Variants in S100PBP observed in about 807,000 individuals in gnomAD.
S100PBP encodes S100P-binding protein.
S100PBP carries 15 observed loss-of-function variants against 39.9 expected under a neutral mutation model. The ratio of observed to expected loss-of-function variants is 0.38; its 90% CI spans 0.25 to 0.58. S100PBP has a LOEUF of 0.58. S100PBP is among the 20% of genes least tolerant of loss of function. The pLI is 0.70. For synonymous variants in S100PBP, 178 were observed against 180.3 expected, an observed-to-expected ratio of 0.99 and a Z score of 0.10; for missense variants, 504 against 487.3, an observed-to-expected ratio of 1.03 and a Z score of -0.32.
At chr1:32,828,960 C>T (rs1639466625) in intron 4 of S100PBP, among the ~76,000 whole-genome samples, 1 of 152,114 alleles carries the variant, frequency 6.6e-6, no homozygotes, top group Admixed American at 6.6e-5. Flanking sequence ...CGAGATCATG[C>T]CACTGCACAC....
chr1:32,827,897 C>G (rs1032086691), intron 3 of S100PBP, 96 bp from the exon 4 acceptor site: 12 of 808,102 alleles, frequency 1.5e-5, no homozygotes, highest in Non-Finnish European at 2.1e-5. Context: ...GCTTTTGTAG[C>G]CTTTAGTTAA....
At chr1:32,851,307 A>T (rs995847287) in intron 5 of S100PBP, among the ~76,000 whole-genome samples, 2 of 152,188 alleles carry the variant, frequency 1.3e-5, no homozygotes, top group Admixed American at 1.3e-4. Context: ...AGCACAGTAG[A>T]TAAGGTAATG....
At chr1:32,831,671 T>C (rs1347142126) in intron 5 of S100PBP, among the ~76,000 whole-genome samples, 1 of 152,072 alleles carries the variant, frequency 6.6e-6, no homozygotes, top group Non-Finnish European at 1.5e-5. Context: ...AGAACTATTT[T>C]AGGTCTGATA....
At chr1:32,840,355 T>G (rs1335141350) in intron 5 of S100PBP, among the ~76,000 whole-genome samples, 1 of 151,994 alleles carries the variant, frequency 6.6e-6, no homozygotes, top group Non-Finnish European at 1.5e-5. Flanking sequence ...ATTTTCTGTT[T>G]GTTTGTTTAT....
rs1241804627 is a variant in S100PBP, at chr1:32,858,437, A to G, written c.*2399A>G. On this transcript the variant is annotated 3_prime_UTR_variant, in exon 7 of 7. Transcript: ENST00000373475. ...ACATGGTATTCTTTAAGAAGAAAAA[A>G]CAAAGCCAAAGAAAACTCATTATCT... 6.6e-6 allele frequency: 1 copy of G among 152,622 alleles called. No individual in the cohort carries two copies. Among genetic ancestry groups the G allele is most frequent in the East Asian group, 1.9e-4 (1 of 5,198 alleles). The allele number at this position is 152,622 out of a possible 1,614,324, so 9.5% of individuals were successfully genotyped here. A position where few individuals can be genotyped will look rare whatever the true frequency, so the allele number is the denominator to read the frequency against.
At chr1:32,821,124 G>T (rs1639035993) in intron 1 of S100PBP, among the ~76,000 whole-genome samples, 1 of 151,796 alleles carries the variant, frequency 6.6e-6, no homozygotes, top group South Asian at 2.1e-4. Context: ...TGTAGCCTAA[G>T]ATGAGATATT....
chr1:32,846,229 T>G (rs1215364851), intron 5 of S100PBP, among the ~76,000 whole-genome samples: 1 of 152,066 alleles, frequency 6.6e-6, no homozygotes, highest in Non-Finnish European at 1.5e-5. Context: ...GACCTCATGA[T>G]CTGCCTGCCT....
At chr1:32,830,342 A>G (rs1456702119) in intron 5 of S100PBP, among the ~76,000 whole-genome samples, 1 of 146,324 alleles carries the variant, frequency 6.8e-6, no homozygotes, top group Non-Finnish European at 1.5e-5. Context: ...AGACCGGTAC[A>G]TTTTTGCTAG....
In S100PBP at chr1:32,854,413, A is replaced by C. The variant is rs192843146; in HGVS notation, c.1112+1247A>C. ...TTGTTTAGGAAATAATGACAAGGAA[A>C]AATGTCTATACATGTTCGATACAGA... On this transcript the variant is annotated intron_variant, in intron 6 of 6. Coordinates refer to ENST00000373475, the MANE Select transcript of S100PBP (RefSeq NM_022753.4). Among the ~76,000 whole-genome samples the C allele has an allele frequency of 7.9e-4, 121 of 152,354 alleles. 1 individual carries two copies. Among genetic ancestry groups the C allele is most frequent in the African/African-American group, 2.5e-3 (102 of 41,582 alleles).
At chr1:32,845,418 G>T (rs1462036866) in intron 5 of S100PBP, among the ~76,000 whole-genome samples, 1 of 151,902 alleles carries the variant, frequency 6.6e-6, no homozygotes, top group South Asian at 2.1e-4. Flanking sequence ...CCTAGGTGAC[G>T]GAGTGAGACC....
upstream of S100PBP, chr1:32,817,057 C>G: frequency 8.5e-7 from 1 of 1,179,190 alleles, no homozygotes; most frequent in Non-Finnish European, 1.3e-6. Flanking sequence ...GTGAGATCTA[C>G]AGGCTCTCTC....
At chr1:32,834,614 A>G (rs1162597874) in intron 5 of S100PBP, among the ~76,000 whole-genome samples, 3 of 152,206 alleles carry the variant, frequency 2.0e-5, no homozygotes, top group Non-Finnish European at 4.4e-5. Context: ...TATGACACTT[A>G]ATGACAGGTT....
At position 32,853,086 on chromosome 1, in the gene S100PBP, G is replaced by C. The variant is rs374280398; in HGVS notation, c.1032G>C (p.Ser344=). Residue 344 remains serine (S), a synonymous_variant, in exon 6 of 7, where the codon TCG becomes TCC. Transcript: ENST00000373475. ...GATCCCTCTGTATCACAGGTATCTC[G>C]GGGGAGCTTTGTGCCTTGATGGATC... The part of the protein sequence containing the change: ...EDPEDTNQGI[S]GELCALMDQV... 41 of 1,612,232 alleles carry C rather than the reference G, an allele frequency of 2.5e-5. No homozygotes were observed. The highest frequency in any genetic ancestry group is 3.3e-5 in the Non-Finnish European group (39 of 1,178,900).
chr1:32,835,406 G>GT (rs933892437), intron 5 of S100PBP: 7 of 150,916 alleles, frequency 4.6e-5, no homozygotes, highest in African/African-American at 1.7e-4. Context: ...TTTAATTGTG[G>GT]TAAAAAAAAT....
intron 6 of S100PBP, among the ~76,000 whole-genome samples, chr1:32,854,838 CAT>C (rs1432684726): frequency 6.6e-6 from 1 of 152,154 alleles, no homozygotes; most frequent in African/African-American, 2.4e-5. Context: ...TTGTCAAAAT[CAT>C]AGCATTTCTC....
chr1:32,817,844 G>T, intron 1 of S100PBP, 155 bp downstream of exon 1: 1 of 159,726 alleles, frequency 6.3e-6, no homozygotes, highest in Non-Finnish European at 1.4e-5. Context: ...TCTAGCTCCT[G>T]AGGTGATGGC....
chr1:32,819,636 A>G (rs1169144123), intron 1 of S100PBP, among the ~76,000 whole-genome samples: 3 of 152,206 alleles, frequency 2.0e-5, no homozygotes, highest in Non-Finnish European at 4.4e-5. Flanking sequence ...AAGTGCTAAG[A>G]AAGGTGGTAG....
intron 4 of S100PBP, among the ~76,000 whole-genome samples, chr1:32,829,381 T>C (rs2148651082): frequency 6.6e-6 from 1 of 152,304 alleles, no homozygotes; most frequent in African/African-American, 2.4e-5. Flanking sequence ...ATAAATACTT[T>C]CTCTAGGGAC....
intron 2 of S100PBP, 35 bp from the exon 3 acceptor site, chr1:32,826,063 C>T: frequency 6.7e-7 from 1 of 1,487,362 alleles, no homozygotes; most frequent in Non-Finnish European, 9.2e-7. Context: ...AGGTTATTTT[C>T]TCTTCCTCAG....
Sources: gnomAD v4.1 joint callset for allele counts (sites outside exome capture counted in the v4.1 genomes callset) on GRCh38, gnomAD v4.1.1 for gene constraint, MANE v1.5 for transcripts, NCBI Gene and HGNC (gene_info 2026-07-23, HGNC 2026-07-21) for gene names.